The following FAM110B variants were observed in gnomAD, a reference collection of about 807,000 sequenced individuals.
FAM110B encodes protein FAM110B.
A neutral mutation model predicts 20.4 loss-of-function variants in FAM110B; 6 were observed. The observed-to-expected ratio is 0.29, with a 90% CI of 0.16 to 0.58. The LOEUF is 0.58. FAM110B is among the 20% of genes least tolerant of loss of function. The pLI, the probability that FAM110B is intolerant of heterozygous loss-of-function variation, is 0.90. For missense variants in FAM110B, 434 were observed against 498.2 expected (o/e 0.87, Z 1.23); for synonymous variants, 226 against 214.1 (o/e 1.06, Z -0.49).
chr8:58,004,479 T>G (rs149362924), intron 1 of FAM110B, among the ~76,000 whole-genome samples: 21 of 152,350 alleles, frequency 1.4e-4, no homozygotes, highest in Non-Finnish European at 2.6e-4. Context: ...GCACACTGGC[T>G]CATACCTGTA....
At chr8:58,100,049 C>G (rs1168863627) in intron 3 of FAM110B, among the ~76,000 whole-genome samples, 2 of 152,146 alleles carry the variant, frequency 1.3e-5, no homozygotes, top group Non-Finnish European at 2.9e-5. Flanking sequence ...TCTGGCCAGA[C>G]CTCTCCTCGT....
At chr8:58,071,605 G>A (rs1020089516) in intron 2 of FAM110B, among the ~76,000 whole-genome samples, 3 of 152,084 alleles carry the variant, frequency 2.0e-5, no homozygotes, top group Non-Finnish European at 2.9e-5. Flanking sequence ...CTTACCAACC[G>A]TGCCTCCCTC....
intron 1 of FAM110B, among the ~76,000 whole-genome samples, chr8:57,996,116 T>C (rs940109754): frequency 5.9e-5 from 9 of 152,232 alleles, no homozygotes; most frequent in African/African-American, 1.9e-4. Flanking sequence ...TTAAGCATAG[T>C]TATTCTAGAA....
chr8:58,067,217 G>A (rs1805790244), intron 2 of FAM110B, among the ~76,000 whole-genome samples: 2 of 152,198 alleles, frequency 1.3e-5, no homozygotes, highest in Non-Finnish European at 2.9e-5. Flanking sequence ...AATGAGAACA[G>A]AACTTGAGGA....
chr8:58,121,872 G>A (rs1384118317), intron 3 of FAM110B, among the ~76,000 whole-genome samples: 4 of 152,136 alleles, frequency 2.6e-5, no homozygotes, highest in Non-Finnish European at 5.9e-5. Context: ...TCCAACAGCT[G>A]CTGTGCTGTG....
rs564307160 is a variant in FAM110B, at chr8:58,055,494, C to T, written c.-413-20041C>T. 3.9e-5 allele frequency among the ~76,000 whole-genome samples: 6 copies of T among 152,238 alleles called. No individual in the cohort carries two copies. The South Asian group carries it at 1.2e-3, about 32-fold the overall frequency. On this transcript the variant is annotated intron_variant, in intron 2 of 3. Transcript: ENST00000519262. ...TATGTTTTAATTGATTTTCCTTAAA[C>T]CTGTGGAGACAAATTGTTTTGTGTC... is the stretch of plus-strand genomic sequence containing the variant.
chr8:58,082,850 T>TG (rs1563363383), intron 3 of FAM110B, among the ~76,000 whole-genome samples: 4 of 150,224 alleles, frequency 2.7e-5, no homozygotes, highest in African/African-American at 7.4e-5. Context: ...TTTTTTTGTT[T>TG]TTTTTTTTTT....
At chr8:58,038,707 G>A (rs374376391) in intron 2 of FAM110B, among the ~76,000 whole-genome samples, 1 of 151,648 alleles carries the variant, frequency 6.6e-6, no homozygotes, top group Admixed American at 6.6e-5. Flanking sequence ...AGCCAAAATC[G>A]CATCACTGTA....
At chr8:58,054,318 C>A (rs555136141) in intron 2 of FAM110B, among the ~76,000 whole-genome samples, 1 of 152,264 alleles carries the variant, frequency 6.6e-6, no homozygotes, top group African/African-American at 2.4e-5. Context: ...AAGATTCTAG[C>A]ACCAACTAGA....
In FAM110B at chr8:58,146,115, C is replaced by A; in HGVS notation, c.-116C>A. On this transcript the variant is annotated 5_prime_UTR_variant, in exon 4 of 4. Transcript: ENST00000519262. ...GCTGCTGCGGCCGCTGCTGCTGACA[C>A]TCGCTCCCAGGCTGCACCCGCCGCC... 1.6e-6 allele frequency: 2 copies of A among 1,255,302 alleles called. No individual in the cohort carries two copies. The highest frequency in any genetic ancestry group is 2.2e-6 in the Non-Finnish European group (2 of 921,286). 77.8% of individuals were successfully genotyped at this position (1,255,302 alleles called of 1,614,324 possible).
intron 3 of FAM110B, among the ~76,000 whole-genome samples, chr8:58,081,712 C>T (rs1806197854): frequency 6.6e-6 from 1 of 152,188 alleles, no homozygotes. Flanking sequence ...CCCGAAATCC[C>T]CTATCCATTC....
intron 2 of FAM110B, among the ~76,000 whole-genome samples, chr8:58,049,176 A>G (rs1805390460): frequency 6.6e-6 from 1 of 152,106 alleles, no homozygotes; most frequent in Non-Finnish European, 1.5e-5. Context: ...CTCATATATT[A>G]TGTTTCTGGG....
intron 1 of FAM110B, among the ~76,000 whole-genome samples, chr8:58,022,608 A>T (rs1235666173): frequency 6.6e-6 from 1 of 152,184 alleles, no homozygotes; most frequent in African/African-American, 2.4e-5. Context: ...TTCAGCCTTT[A>T]AAAAAAGTAT....
At chr8:58,047,801 A>G (rs1266253382) in intron 2 of FAM110B, among the ~76,000 whole-genome samples, 1 of 152,092 alleles carries the variant, frequency 6.6e-6, no homozygotes, top group Non-Finnish European at 1.5e-5. Context: ...AGTGTGCATA[A>G]TGAATATTGA....
At position 58,147,482 on chromosome 8, in the gene FAM110B, A is replaced by G; in HGVS notation, c.*139A>G. ...AATGTTTTCAAGTTGCATGCTTGTC[A>G]ACATGGGGACTGACCTGGCTTCCAC... On this transcript the variant is annotated 3_prime_UTR_variant, in exon 4 of 4. Transcript: ENST00000519262. 9.2e-7 allele frequency: 1 copy of G among 1,089,362 alleles called. No individual in the cohort carries two copies. Among genetic ancestry groups the G allele is most frequent in the Non-Finnish European group, 1.3e-6 (1 of 765,508 alleles). 67.5% of individuals were successfully genotyped at this position (1,089,362 alleles called of 1,614,324 possible).
chr8:58,110,810 T>A (rs113047987), intron 3 of FAM110B, among the ~76,000 whole-genome samples: 1 of 152,168 alleles, frequency 6.6e-6, no homozygotes, highest in Non-Finnish European at 1.5e-5. Flanking sequence ...TGATATGACA[T>A]TGTGCTAAAT....
At chr8:58,089,838 CAT>C (rs1308814967) in intron 3 of FAM110B, among the ~76,000 whole-genome samples, 2 of 152,192 alleles carry the variant, frequency 1.3e-5, no homozygotes, top group Non-Finnish European at 2.9e-5. Flanking sequence ...ACTTTGAAAA[CAT>C]ATTTTTGCCA....
intron 1 of FAM110B, among the ~76,000 whole-genome samples, chr8:58,020,847 T>C (rs1277513896): frequency 6.6e-6 from 1 of 152,216 alleles, no homozygotes; most frequent in Non-Finnish European, 1.5e-5. Flanking sequence ...GAGGCTTGTC[T>C]TTCTCTCCTT....
chr8:58,082,730 T>C (rs1211414888), intron 3 of FAM110B, among the ~76,000 whole-genome samples: 2 of 152,088 alleles, frequency 1.3e-5, no homozygotes, highest in South Asian at 2.1e-4. Flanking sequence ...GTAATCCCAG[T>C]GCTTTGGGAG....
Sources: allele counts gnomAD v4.1 joint callset (sites outside exome capture counted in the v4.1 genomes callset), GRCh38; gene constraint gnomAD v4.1.1; transcripts MANE v1.5; gene names NCBI Gene and HGNC (gene_info 2026-07-23, HGNC 2026-07-21).